The following MYO10 variants were observed in gnomAD, a reference collection of about 807,000 sequenced individuals.
The protein encoded by MYO10 is unconventional myosin-X.
Under a neutral mutation model 257.3 loss-of-function variants are expected in MYO10, and 133 were observed. The observed-to-expected ratio is 0.52, with a 90% CI of 0.45 to 0.60. The LOEUF (loss-of-function observed/expected upper bound fraction) is 0.60. Among genes scored for constraint, MYO10 ranks in the 20% least tolerant of loss-of-function variants. The pLI is 0.00. For synonymous variants in MYO10, 1,104 were observed against 1,028.6 expected, an observed-to-expected ratio of 1.07 and a Z score of -1.40; for missense variants, 2,399 against 2,635.7, an observed-to-expected ratio of 0.91 and a Z score of 1.97.
At chr5:16,806,509 G>A (rs536050942) in intron 3 of MYO10, among the ~76,000 whole-genome samples, 1 of 152,192 alleles carries the variant, frequency 6.6e-6, no homozygotes, top group African/African-American at 2.4e-5. Context: ...TGGGCGTGGT[G>A]GCGGGCGCCT....
chr5:16,906,436 G>A (rs1368687223), intron 1 of MYO10, among the ~76,000 whole-genome samples: 1 of 152,142 alleles, frequency 6.6e-6, no homozygotes, highest in Non-Finnish European at 1.5e-5. Context: ...GGTGTCACAA[G>A]CAAAAATAGC....
At chr5:16,897,354 G>A (rs1745247074) in intron 1 of MYO10, among the ~76,000 whole-genome samples, 1 of 146,614 alleles carries the variant, frequency 6.8e-6, no homozygotes, top group Admixed American at 6.9e-5. Context: ...ACTCTGCAAC[G>A]CCACCACAGA....
chr5:16,709,459 T>A (rs1738495903), intron 21 of MYO10, among the ~76,000 whole-genome samples: 1 of 152,182 alleles, frequency 6.6e-6, no homozygotes, highest in African/African-American at 2.4e-5. Context: ...AGCATGTGGT[T>A]ATCCTGCTGG....
chr5:16,863,684 AATATGTTTCTAGAGTT>A (rs1232370211), intron 2 of MYO10, among the ~76,000 whole-genome samples: 1 of 152,194 alleles, frequency 6.6e-6, no homozygotes, highest in Non-Finnish European at 1.5e-5. Flanking sequence ...ATGAAAACAG[AATATGTTTCTAGAGTT>A]ACTAAGTCAA....
intron 2 of MYO10, among the ~76,000 whole-genome samples, chr5:16,876,761 G>T (rs1359495360): frequency 6.6e-6 from 1 of 152,104 alleles, no homozygotes; most frequent in Non-Finnish European, 1.5e-5. Context: ...CACCATGTTG[G>T]CCAGGCTGGT....
intron 2 of MYO10, among the ~76,000 whole-genome samples, chr5:16,833,846 C>T (rs1473326299): frequency 1.3e-5 from 2 of 152,152 alleles, no homozygotes; most frequent in African/African-American, 2.4e-5. Context: ...GTATTGTACA[C>T]ATTTAGCACA....
At chr5:16,724,273 G>C (rs1739268395) in intron 19 of MYO10, among the ~76,000 whole-genome samples, 1 of 152,144 alleles carries the variant, frequency 6.6e-6, no homozygotes, top group Non-Finnish European at 1.5e-5. Context: ...CCAGGGGTAT[G>C]GAGTCACAAC....
intron 18 of MYO10, among the ~76,000 whole-genome samples, chr5:16,756,814 CCCAAGGGTGG>C (rs1553992850): frequency 6.6e-6 from 1 of 152,080 alleles, no homozygotes; most frequent in Non-Finnish European, 1.5e-5. Context: ...ATTTCAAAAA[CCCAAGGGTGG>C]GTGCAGTGGC....
At chr5:16,830,498 G>GA (rs753377649) in intron 2 of MYO10, among the ~76,000 whole-genome samples, 1,533 of 140,496 alleles carry the variant, frequency 0.011, 16 homozygotes, top group African/African-American at 0.018. Context: ...AGTCTATCAA[G>GA]AAAAAAAAAA....
intron 1 of MYO10, among the ~76,000 whole-genome samples, chr5:16,894,357 G>C (rs1047287233): frequency 1.3e-5 from 2 of 152,124 alleles, no homozygotes; most frequent in Non-Finnish European, 2.9e-5. Flanking sequence ...TTCCTGGCTA[G>C]ACCGAAGGAT....
chr5:16,715,579 C>A (rs1579892175), intron 19 of MYO10, among the ~76,000 whole-genome samples: 1 of 10,758 alleles, frequency 9.3e-5, no homozygotes, highest in African/African-American at 1.7e-4. Context: ...GGATTACAGG[C>A]ATGAGCCACC....
At chr5:16,781,074 A>G (rs1225481928) in intron 6 of MYO10, among the ~76,000 whole-genome samples, 2 of 148,902 alleles carry the variant, frequency 1.3e-5, no homozygotes, top group Non-Finnish European at 3.0e-5. Context: ...TCTTTATTTC[A>G]CAGAATTTTT....
At chr5:16,801,020 C>T (rs907842178) in intron 3 of MYO10, among the ~76,000 whole-genome samples, 3 of 151,996 alleles carry the variant, frequency 2.0e-5, no homozygotes, top group Non-Finnish European at 2.9e-5. Flanking sequence ...ATAAAAGTTA[C>T]GTGCACCCTA....
chr5:16,884,576 G>A (rs1487168263), intron 1 of MYO10, among the ~76,000 whole-genome samples: 1 of 152,036 alleles, frequency 6.6e-6, no homozygotes, highest in Non-Finnish European at 1.5e-5. Context: ...CCTAGGGAGT[G>A]GGGATATTGG....
chr5:16,785,312 G>A (rs896919136), intron 4 of MYO10, among the ~76,000 whole-genome samples: 4 of 152,198 alleles, frequency 2.6e-5, no homozygotes, highest in African/African-American at 9.6e-5. Context: ...TGGCACGGGG[G>A]AGGCATTCAA....
At chr5:16,923,659 C>A (rs933321539) in intron 1 of MYO10, among the ~76,000 whole-genome samples, 15 of 134,768 alleles carry the variant, frequency 1.1e-4, no homozygotes, top group Admixed American at 6.4e-4. Context: ...CTTAAACACG[C>A]CCATACACAC....
intron 2 of MYO10, among the ~76,000 whole-genome samples, chr5:16,870,688 T>C (rs1744428504): frequency 6.6e-6 from 1 of 151,596 alleles, no homozygotes; most frequent in Non-Finnish European, 1.5e-5. Flanking sequence ...AGGTTGGGAG[T>C]TGGAGACCAG....
At chr5:16,842,514 C>T (rs950424634) in intron 2 of MYO10, among the ~76,000 whole-genome samples, 6 of 152,230 alleles carry the variant, frequency 3.9e-5, no homozygotes, top group African/African-American at 1.4e-4. Flanking sequence ...TGACACATGT[C>T]ATACCTCTTC....
In MYO10 at chr5:16,834,320, C is replaced by T. The variant is rs146351532; in HGVS notation, c.121-16153G>A. On this transcript the variant is annotated intron_variant, in intron 2 of 40. Coordinates refer to ENST00000513610, the MANE Select transcript of MYO10 (RefSeq NM_012334.3). ...GGAGAGAAACTTCCAGCTCATATGC[C>T]GAAGTGGCTGATTTCCTGGTGCACC... Among the ~76,000 whole-genome samples, 75 of 152,244 alleles carry T rather than the reference C, an allele frequency of 4.9e-4. 1 individual carries two copies. The highest frequency in any genetic ancestry group is 7.9e-4 in the Non-Finnish European group (54 of 68,026).
Sources: gnomAD v4.1 joint callset for allele counts (sites outside exome capture counted in the v4.1 genomes callset) on GRCh38, gnomAD v4.1.1 for gene constraint, MANE v1.5 for transcripts, NCBI Gene and HGNC (gene_info 2026-07-23, HGNC 2026-07-21) for gene names.